Variants in TMEM131 observed in about 807,000 individuals in gnomAD.
TMEM131 encodes the protein transmembrane protein 131, also known as 2610524E03Rik.
TMEM131 carries 66 observed loss-of-function variants against 211.6 expected under a neutral mutation model. The ratio of observed to expected loss-of-function variants is 0.31; its 90% CI spans 0.26 to 0.38. The LOEUF (loss-of-function observed/expected upper bound fraction) is 0.38, where lower values mean the gene tolerates loss of function less well. Among genes scored for constraint, TMEM131 ranks in the 10% least tolerant of loss-of-function variants. TMEM131 has a pLI of 1.00. For missense variants in TMEM131, 2,036 were observed against 2,299.3 expected (o/e 0.89, Z 2.34); for synonymous variants, 844 against 841.3 (o/e 1.00, Z -0.06).
intron 1 of TMEM131, among the ~76,000 whole-genome samples, chr2:97,948,596 C>T (rs1678153217): frequency 6.6e-6 from 1 of 152,084 alleles, no homozygotes; most frequent in Admixed American, 6.6e-5. Context: ...ACTGTAATAC[C>T]CTGCTAACGG....
At chr2:97,855,446 T>C (rs1004833789) in intron 5 of TMEM131, among the ~76,000 whole-genome samples, 1 of 152,188 alleles carries the variant, frequency 6.6e-6, no homozygotes, top group Non-Finnish European at 1.5e-5. Context: ...ACGCCTGTCA[T>C]CCCGGCACTT....
Position 97,805,571 on chromosome 2 carries a change from C to A in TMEM131, c.2188G>T (p.Glu730Ter). The A allele has an allele frequency of 6.2e-7, 1 of 1,608,804 alleles. No homozygotes were observed. The highest frequency in any genetic ancestry group is 8.5e-7 in the Non-Finnish European group (1 of 1,176,386). Reference protein sequence around the residue: ...KRLRGNKEDLEPGKKSKIANI... With the variant: ...KRLRGNKEDL ...CAAACCTTTGATTTTTTTCCTGGCT[C>A]CAAGTCTTCCTTATTGCCCCGTAAT... The change falls in exon 20 of 41, where the codon GAG (glutamate) becomes TAG (stop). Residue 730 changes from glutamate to a stop codon, truncating the protein, a stop_gained. Coordinates refer to ENST00000186436, the MANE Select transcript of TMEM131 (RefSeq NM_015348.2). LOFTEE classifies it high-confidence loss of function.
At chr2:97,783,031 T>TA (rs1680088798) in intron 31 of TMEM131, among the ~76,000 whole-genome samples, 1 of 147,736 alleles carries the variant, frequency 6.8e-6, no homozygotes, top group African/African-American at 2.5e-5. Context: ...TCAAGATGCA[T>TA]TATAATCAAA....
At position 97,902,142 on chromosome 2, in the gene TMEM131, T is replaced by A. The variant is rs140975226; in HGVS notation, c.290+6516A>T. ...TAAATGGGATACAGAGAGAAACAAA[T>A]AAACTAAACTTCATTTAAAATGTAC... On this transcript the variant is annotated intron_variant, in intron 3 of 40. Transcript: ENST00000186436. Among the ~76,000 whole-genome samples the A allele has an allele frequency of 2.4e-3, 369 of 151,572 alleles. 1 individual carries two copies. The highest frequency in any genetic ancestry group is 7.5e-3 in the South Asian group (36 of 4,814).
chr2:97,938,705 C>A (rs889149337), intron 1 of TMEM131, among the ~76,000 whole-genome samples: 7 of 152,166 alleles, frequency 4.6e-5, no homozygotes, highest in African/African-American at 1.4e-4. Flanking sequence ...AACTCTCCAC[C>A]CCAAATCAAC....
chr2:97,971,396 T>G (rs1357265207), intron 1 of TMEM131, among the ~76,000 whole-genome samples: 6 of 152,110 alleles, frequency 3.9e-5, no homozygotes, highest in Non-Finnish European at 8.8e-5. Flanking sequence ...TTCTTCAATT[T>G]TAAAAGAAAA....
At chr2:97,852,194 G>C (rs1451441931) in intron 5 of TMEM131, among the ~76,000 whole-genome samples, 1 of 135,986 alleles carries the variant, frequency 7.4e-6, no homozygotes, top group Non-Finnish European at 1.5e-5. Context: ...ATGGAGTTTC[G>C]CTTGATGCCC....
intron 1 of TMEM131, among the ~76,000 whole-genome samples, chr2:97,986,593 A>G (rs1680039060): frequency 6.6e-6 from 1 of 152,206 alleles, no homozygotes; most frequent in African/African-American, 2.4e-5. Flanking sequence ...ATGCCCAGCC[A>G]TAACTCAACA....
chr2:97,995,353 A>C, intron 1 of TMEM131, 123 bp downstream of exon 1: 2 of 1,003,544 alleles, frequency 2.0e-6, no homozygotes, highest in Non-Finnish European at 2.6e-6. Context: ...TCGGGACGGT[A>C]CCCGACCGCC....
Position 97,757,289 on chromosome 2 carries a change from G to A in TMEM131, c.5462C>T (p.Thr1821Ile). ...SNLSSALPFTTPANTLASIGL... is the reference protein window; with the variant it reads ...SNLSSALPFTIPANTLASIGL... ...GATGCTTGCCAGCGTGTTTGCTGGA[G>A]TGGTGAAGGGAAGGGCGCTGCTAAG... The change falls in exon 41 of 41, where the codon ACT becomes ATT. Residue 1821 changes from threonine (T) to isoleucine (I), a missense_variant. Thr to Ile is a moderately conservative substitution (Grantham distance 89, BLOSUM62 -1). Around this residue, in one of 3 missense-constraint regions of TMEM131, gnomAD observed 1,623 missense variants for 1,805.9 expected, o/e 0.90. Transcript: ENST00000186436. 6.2e-7 allele frequency: 1 copy of A among 1,613,948 alleles called. No homozygotes were observed. Among genetic ancestry groups the A allele is most frequent in the Non-Finnish European group, 8.5e-7 (1 of 1,179,898 alleles).
chr2:97,768,861 G>C lies in TMEM131; in HGVS notation c.4449-2259C>G, dbSNP rs1015577218. On this transcript the variant is annotated intron_variant, in intron 33 of 40. Transcript: ENST00000186436. ...CGTCCTTGGCCTCCCAAAGTGCTGG[G>C]ATTACAGTGGGATTACAGGTGTGAG... is the stretch of plus-strand genomic sequence containing the variant. Among the ~76,000 whole-genome samples the C allele has an allele frequency of 4.0e-5, 6 of 151,040 alleles. 2 individuals are homozygous for C. The highest frequency in any genetic ancestry group is 3.3e-4 in the Admixed American group (5 of 15,018).
At chr2:97,925,267 T>C (rs1676934648) in intron 2 of TMEM131, among the ~76,000 whole-genome samples, 1 of 152,202 alleles carries the variant, frequency 6.6e-6, no homozygotes, top group Admixed American at 6.5e-5. Context: ...TGTTATTCCA[T>C]TTTATAATCT....
At chr2:97,814,531 G>T in intron 13 of TMEM131, 143 bp from the exon 14 acceptor site, 1 of 861,078 alleles carries the variant, frequency 1.2e-6, no homozygotes, top group Non-Finnish European at 1.7e-6. Flanking sequence ...ATATTTTAGT[G>T]ATTGACTATA....
At chr2:97,954,620 C>G (rs1275085394) in intron 1 of TMEM131, among the ~76,000 whole-genome samples, 1 of 152,064 alleles carries the variant, frequency 6.6e-6, no homozygotes, top group Admixed American at 6.6e-5. Context: ...GCCTTACCAA[C>G]ATGGTGAAAA....
intron 7 of TMEM131, among the ~76,000 whole-genome samples, chr2:97,839,196 G>A (rs1044951900): frequency 2.0e-5 from 3 of 152,178 alleles, no homozygotes; most frequent in East Asian, 1.9e-4. Flanking sequence ...GTGTGGTGGC[G>A]TGCACCTGTA....
At chr2:97,822,358 C>T (rs984974154) in intron 11 of TMEM131, among the ~76,000 whole-genome samples, 7 of 152,138 alleles carry the variant, frequency 4.6e-5, no homozygotes, top group Non-Finnish European at 8.8e-5. Context: ...GCCTCAGAAA[C>T]GATATCCTTC....
chr2:97,961,829 T>C (rs1678830798), intron 1 of TMEM131, among the ~76,000 whole-genome samples: 1 of 152,306 alleles, frequency 6.6e-6, no homozygotes, highest in Admixed American at 6.5e-5. Flanking sequence ...AATATGCAAA[T>C]GCACTTTAAA....
At chr2:97,762,423 C>A (rs980324597) in intron 35 of TMEM131, 50 of 454,968 alleles carry the variant, frequency 1.1e-4, no homozygotes, top group Non-Finnish European at 1.8e-4. Context: ...CCGGTCCCTG[C>A]TGTGTTGTGT....
chr2:97,782,017 T>C (rs1680031829), intron 31 of TMEM131, among the ~76,000 whole-genome samples: 1 of 152,204 alleles, frequency 6.6e-6, no homozygotes, highest in South Asian at 2.1e-4. Context: ...CATCCCAGCA[T>C]GCTGGCGATG....
Sources: gnomAD v4.1 joint callset for allele counts (sites outside exome capture counted in the v4.1 genomes callset) on GRCh38, gnomAD v4.1.1 for gene constraint, gnomAD v4.1.1 regional missense constraint, MANE v1.5 for transcripts, NCBI Gene and HGNC (gene_info 2026-07-23, HGNC 2026-07-21) for gene names.